ATG16L1: variants seen among roughly 807,000 people sequenced by gnomAD.
ATG16L1 encodes the protein autophagy related 16 like 1.
Under a neutral mutation model 88.5 loss-of-function variants are expected in ATG16L1, and 37 were observed. That is an observed-to-expected ratio of 0.42 (90% confidence interval 0.32 to 0.55). The LOEUF is 0.55. ATG16L1 is among the 20% of genes least tolerant of loss of function. ATG16L1 has a pLI of 0.13. For missense variants in ATG16L1, 554 were observed against 752.8 expected (o/e 0.74, Z 3.09); for synonymous variants, 301 against 281.0 (o/e 1.07, Z -0.71).
chr2:233,261,070 C>T (rs945139954), intron 2 of ATG16L1, among the ~76,000 whole-genome samples: 11 of 152,224 alleles, frequency 7.2e-5, no homozygotes, highest in African/African-American at 2.4e-4. Flanking sequence ...ATTCTCCTGC[C>T]TCAGCCTCCC....
chr2:233,289,144 C>T (rs1699279692), intron 12 of ATG16L1, among the ~76,000 whole-genome samples: 2 of 152,140 alleles, frequency 1.3e-5, no homozygotes. Context: ...AACAGTACAG[C>T]AGGTATCTGT....
At chr2:233,276,030 G>A in intron 9 of ATG16L1, 1 of 503,580 alleles carries the variant, frequency 2.0e-6, no homozygotes, top group Non-Finnish European at 4.0e-6. Context: ...CCATAAAAAA[G>A]AAAAGGAAAT....
chr2:233,260,671 G>A (rs1697143911), intron 2 of ATG16L1, among the ~76,000 whole-genome samples: 1 of 152,186 alleles, frequency 6.6e-6, no homozygotes, highest in African/African-American at 2.4e-5. Flanking sequence ...GAGGCTTTGG[G>A]TCATGGAAAG....
chr2:233,293,722 G>T (rs1056523927), intron 17 of ATG16L1, among the ~76,000 whole-genome samples: 5 of 152,108 alleles, frequency 3.3e-5, no homozygotes, highest in African/African-American at 1.2e-4. Flanking sequence ...GCATTTCAGT[G>T]CATTGACGTG....
intron 3 of ATG16L1, 62 bp downstream of exon 3, chr2:233,263,297 G>T (rs976508263): frequency 6.8e-7 from 1 of 1,471,618 alleles, no homozygotes; most frequent in East Asian, 2.4e-5. Flanking sequence ...TGGGGAGCGG[G>T]GGAGCTCAGT....
In ATG16L1 at chr2:233,251,792, C is replaced by A; in HGVS notation, c.-36C>A. 6.5e-7 allele frequency: 1 copy of A among 1,536,110 alleles called. No homozygotes were observed. Among genetic ancestry groups the A allele is most frequent in the Non-Finnish European group, 8.8e-7 (1 of 1,135,350 alleles). The stretch of plus-strand genomic sequence containing the variant: ...GGCTGCGGCCGTCAGCCCTCGCTCG[C>A]ATTGGTGGCGCTGAGGTGCCGGGGC... On this transcript the variant is annotated 5_prime_UTR_variant, in exon 1 of 18. Coordinates refer to ENST00000392017, the MANE Select transcript of ATG16L1 (RefSeq NM_030803.7).
chr2:233,252,260 T>C (rs902141896), intron 1 of ATG16L1, among the ~76,000 whole-genome samples: 2 of 152,240 alleles, frequency 1.3e-5, no homozygotes, highest in African/African-American at 4.8e-5. Flanking sequence ...TATGGGGTCA[T>C]GTTAATGAAA....
intron 10 of ATG16L1, among the ~76,000 whole-genome samples, chr2:233,279,993 A>C (rs565116492): frequency 6.6e-6 from 1 of 152,356 alleles, no homozygotes; most frequent in South Asian, 2.1e-4. Flanking sequence ...ATCTTAGCGA[A>C]TATTAGCCTT....
intron 11 of ATG16L1, 62 bp from the exon 12 acceptor site, chr2:233,282,620 C>A: frequency 7.2e-7 from 1 of 1,391,646 alleles, no homozygotes; most frequent in Non-Finnish European, 1.0e-6. Context: ...GAATTTATAT[C>A]GTGTGAACTG....
chr2:233,264,129 C>CATTGGGTCCCATGT, intron 4 of ATG16L1, 64 bp downstream of exon 4: 1 of 1,567,856 alleles, frequency 6.4e-7, no homozygotes, highest in South Asian at 1.1e-5. Flanking sequence ...GTTCTGCTGA[C>CATTGGGTCCCATGT]CTCTTGTGAG....
At chr2:233,285,753 A>C (rs1026414289) in intron 12 of ATG16L1, among the ~76,000 whole-genome samples, 1 of 152,182 alleles carries the variant, frequency 6.6e-6, no homozygotes, top group Non-Finnish European at 1.5e-5. Flanking sequence ...CCCAGTTAAC[A>C]GATGGTACTG....
intron 17 of ATG16L1, 70 bp from the exon 18 acceptor site, chr2:233,294,187 G>C: frequency 8.0e-7 from 1 of 1,256,780 alleles, no homozygotes; most frequent in East Asian, 2.5e-5. Context: ...CAAGCTTCTG[G>C]TGTTTGGTTT....
intron 12 of ATG16L1, among the ~76,000 whole-genome samples, chr2:233,283,550 ATTTTTTTTCTTT>A (rs550310307): frequency 3.3e-5 from 5 of 151,152 alleles, no homozygotes; most frequent in Non-Finnish European, 5.9e-5. Flanking sequence ...GTTAAGATGA[ATTTTTTTTCTTT>A]TTTTTTTTCT....
At chr2:233,257,021 T>C (rs1344907734) in intron 2 of ATG16L1, among the ~76,000 whole-genome samples, 1 of 130,538 alleles carries the variant, frequency 7.7e-6, no homozygotes, top group Non-Finnish European at 1.7e-5. Flanking sequence ...TTTTTTTGTT[T>C]TGTTTTGTTT....
chr2:233,263,016 G>T, intron 2 of ATG16L1, 114 bp from the exon 3 acceptor site: 1 of 904,572 alleles, frequency 1.1e-6, no homozygotes, highest in Non-Finnish European at 1.8e-6. Context: ...TATTGGCTTT[G>T]TGAACATGTT....
intron 5 of ATG16L1, among the ~76,000 whole-genome samples, chr2:233,266,469 A>G (rs945499868): frequency 1.3e-5 from 2 of 152,166 alleles, no homozygotes; most frequent in Non-Finnish European, 2.9e-5. Context: ...GAAACAAACA[A>G]AAAAGCTCTA....
chr2:233,263,926 A>G, intron 3 of ATG16L1, 66 bp from the exon 4 acceptor site: 5 of 1,491,066 alleles, frequency 3.4e-6, no homozygotes, highest in Middle Eastern at 1.7e-4. Flanking sequence ...ATCGCCACCC[A>G]CTGTGTAGTT....
intron 5 of ATG16L1, among the ~76,000 whole-genome samples, chr2:233,267,703 T>G (rs986729423): frequency 1.3e-5 from 2 of 152,200 alleles, no homozygotes; most frequent in African/African-American, 2.4e-5. Context: ...GGGCCCCAGG[T>G]GAGCTGGATG....
At chr2:233,267,208 G>T (rs1017440926) in intron 5 of ATG16L1, among the ~76,000 whole-genome samples, 7 of 152,154 alleles carry the variant, frequency 4.6e-5, no homozygotes, top group Non-Finnish European at 1.0e-4. Flanking sequence ...AATTAGCCGG[G>T]TGTGGTAGCG....
Sources: allele counts gnomAD v4.1 joint callset (sites outside exome capture counted in the v4.1 genomes callset), GRCh38; gene constraint gnomAD v4.1.1; transcripts MANE v1.5; gene names NCBI Gene and HGNC (gene_info 2026-07-23, HGNC 2026-07-21).